The following SGCD variants were observed in gnomAD, a reference collection of about 807,000 sequenced individuals.
SGCD encodes sarcoglycan delta.
SGCD carries 18 observed loss-of-function variants against 36.6 expected under a neutral mutation model. The ratio of observed to expected loss-of-function variants is 0.49; its 90% CI spans 0.34 to 0.73. The LOEUF is 0.73. SGCD is among the 30% of genes least tolerant of loss of function. The pLI is 0.01. For synonymous variants in SGCD, 133 were observed against 130.6 expected, an observed-to-expected ratio of 1.02 and a Z score of -0.12; for missense variants, 387 against 346.7, an observed-to-expected ratio of 1.12 and a Z score of -0.92.
intron 1 of SGCD, among the ~76,000 whole-genome samples, chr5:155,957,331 A>C (rs1757684165): frequency 6.6e-6 from 1 of 152,066 alleles, no homozygotes; most frequent in Admixed American, 6.6e-5. Flanking sequence ...TCTCACCTGA[A>C]GAGAGCTGCC....
chr5:156,247,011 G>T (rs1765456274), intron 3 of SGCD, among the ~76,000 whole-genome samples: 1 of 152,014 alleles, frequency 6.6e-6, no homozygotes, highest in South Asian at 2.1e-4. Flanking sequence ...TTAAGTCCTG[G>T]GGCACCAATG....
At chr5:156,375,855 T>C (rs1392303744) in intron 3 of SGCD, among the ~76,000 whole-genome samples, 1 of 152,238 alleles carries the variant, frequency 6.6e-6, no homozygotes, top group Non-Finnish European at 1.5e-5. Context: ...GAAACTCTGC[T>C]ATATTTTTAC....
chr5:156,529,232 C>T (rs1336500947), intron 4 of SGCD, among the ~76,000 whole-genome samples: 1 of 152,048 alleles, frequency 6.6e-6, no homozygotes, highest in Admixed American at 6.6e-5. Context: ...CAAGACCATC[C>T]TGGCCAACAT....
chr5:156,339,948 T>C (rs1028237987), intron 2 of SGCD, among the ~76,000 whole-genome samples: 2 of 152,246 alleles, frequency 1.3e-5, no homozygotes, highest in Non-Finnish European at 2.9e-5. Flanking sequence ...GACAGCTATA[T>C]GCCATTATCA....
intron 6 of SGCD, among the ~76,000 whole-genome samples, chr5:156,646,356 A>G (rs1376536355): frequency 2.6e-5 from 4 of 152,184 alleles, no homozygotes; most frequent in Admixed American, 2.0e-4. Context: ...TGAGAAAGCA[A>G]TAATTTAATA....
intron 3 of SGCD, among the ~76,000 whole-genome samples, chr5:156,222,552 G>A (rs1047066515): frequency 1.3e-5 from 2 of 152,006 alleles, no homozygotes; most frequent in African/African-American, 4.8e-5. Context: ...GTAGAAGTTG[G>A]TATTTTAAAG....
chr5:155,966,935 A>ATGTG lies in SGCD; in HGVS notation c.-282+96531_-282+96534dup, dbSNP rs145801010. On this transcript the variant is annotated intron_variant, in intron 1 of 9. Coordinates refer to the SGCD transcript ENST00000517913. Reference sequence around the variant, plus strand: ...TTTACAAAGGCCAATATAGGTTTTCATGTGTGTGTGTGTGTGTGTGTGTAT... The same window carrying ATGTG: ...TTTACAAAGGCCAATATAGGTTTTCATGTGTGTGTGTGTGTGTGTGTGTGTGTAT... 4.5e-3 allele frequency among the ~76,000 whole-genome samples: 663 copies of ATGTG among 148,286 alleles called. 5 individuals are homozygous for ATGTG. The highest frequency in any genetic ancestry group is 0.021 in the East Asian group (106 of 5,022).
At chr5:156,142,649 G>T (rs950146349) in intron 3 of SGCD, among the ~76,000 whole-genome samples, 1 of 152,200 alleles carries the variant, frequency 6.6e-6, no homozygotes, top group Non-Finnish European at 1.5e-5. Context: ...GAGGTTGGCT[G>T]CATTGTGCCC....
chr5:156,483,387 G>A (rs1755522937), intron 3 of SGCD, among the ~76,000 whole-genome samples: 1 of 152,136 alleles, frequency 6.6e-6, no homozygotes, highest in South Asian at 2.1e-4. Flanking sequence ...TGACTGTGAG[G>A]GAGAAGGGAG....
intron 4 of SGCD, among the ~76,000 whole-genome samples, chr5:156,531,130 C>T (rs978791695): frequency 1.3e-5 from 2 of 152,130 alleles, no homozygotes; most frequent in African/African-American, 2.4e-5. Flanking sequence ...AGGTTTCGTG[C>T]AGTGTTTGGC....
intron 3 of SGCD, among the ~76,000 whole-genome samples, chr5:156,439,733 G>T (rs189974121): frequency 6.6e-6 from 1 of 152,136 alleles, no homozygotes; most frequent in Non-Finnish European, 1.5e-5. Flanking sequence ...ATGAACTCTT[G>T]AAAAGCAATG....
intron 3 of SGCD, among the ~76,000 whole-genome samples, chr5:156,144,680 T>C (rs1048029905): frequency 2.0e-5 from 3 of 152,244 alleles, no homozygotes; most frequent in Non-Finnish European, 4.4e-5. Context: ...TCTCCCATTC[T>C]GTAGGTTGCC....
At chr5:155,838,973 G>C in the SGCD span, among the ~76,000 whole-genome samples, 1 of 152,068 alleles carries the variant, frequency 6.6e-6, no homozygotes. Context: ...ATCTGTTGCT[G>C]TTTTTCTGAA....
the SGCD span, among the ~76,000 whole-genome samples, chr5:155,734,362 G>A: frequency 6.4e-3 from 973 of 151,708 alleles, 12 homozygotes; most frequent in African/African-American, 0.023. Context: ...GCACCACCAC[G>A]ACTAGCTAGC....
chr5:156,047,671 A>T (rs1428883335), intron 1 of SGCD, among the ~76,000 whole-genome samples: 2 of 152,130 alleles, frequency 1.3e-5, no homozygotes, highest in Non-Finnish European at 2.9e-5. Context: ...TTTTCAAAAT[A>T]TTCCTGCGCA....
intron 1 of SGCD, among the ~76,000 whole-genome samples, chr5:156,055,197 T>C (rs1561698981): frequency 6.8e-6 from 1 of 146,258 alleles, no homozygotes; most frequent in East Asian, 1.9e-4. Context: ...TACTCCTTTT[T>C]TTTCTTTCTT....
chr5:155,859,750 G>A, the SGCD span, among the ~76,000 whole-genome samples: 5 of 152,208 alleles, frequency 3.3e-5, no homozygotes, highest in Admixed American at 2.6e-4. Context: ...AGGCAGGCCT[G>A]AGACTAGTGT....
intron 3 of SGCD, among the ~76,000 whole-genome samples, chr5:156,291,966 T>C (rs1236229715): frequency 6.6e-6 from 1 of 152,132 alleles, no homozygotes; most frequent in East Asian, 1.9e-4. Context: ...TCTGTTTAAC[T>C]GAAATTTTGT....
chr5:156,333,461 T>C (rs1456944550), intron 2 of SGCD, among the ~76,000 whole-genome samples: 1 of 152,170 alleles, frequency 6.6e-6, no homozygotes, highest in African/African-American at 2.4e-5. Flanking sequence ...CACAAAAATA[T>C]TGTTTTTATT....
Sources: allele counts gnomAD v4.1 joint callset (sites outside exome capture counted in the v4.1 genomes callset), GRCh38; gene constraint gnomAD v4.1.1; transcripts MANE v1.5; gene names NCBI Gene and HGNC (gene_info 2026-07-23, HGNC 2026-07-21).